The following DEGS2 variants were observed in gnomAD, a reference collection of about 807,000 sequenced individuals.
The protein encoded by DEGS2 is delta 4-desaturase, sphingolipid 2.
In DEGS2, 19 loss-of-function variants were observed where a neutral mutation model predicts 23.8. That is an observed-to-expected ratio of 0.80 (90% CI 0.56 to 1.17). The LOEUF (loss-of-function observed/expected upper bound fraction) is 1.17, where lower values mean the gene tolerates loss of function less well. Among genes scored for constraint, DEGS2 ranks in the 50% most tolerant of loss-of-function variants. The pLI is 0.00. For missense variants in DEGS2, 390 were observed against 459.5 expected, an observed-to-expected ratio of 0.85 and a Z score of 1.38; for synonymous variants, 218 against 213.7, an observed-to-expected ratio of 1.02 and a Z score of -0.18.
the DEGS2 span, among the ~76,000 whole-genome samples, chr14:100,166,871 C>T: frequency 6.6e-5 from 10 of 152,210 alleles, no homozygotes; most frequent in African/African-American, 2.4e-4. Flanking sequence ...CGCCTGTAAT[C>T]CCAGCACTTT....
At chr14:100,151,564 A>T (rs1036735250) in intron 1 of DEGS2, among the ~76,000 whole-genome samples, 29 of 152,232 alleles carry the variant, frequency 1.9e-4, no homozygotes, top group Non-Finnish European at 3.4e-4. Context: ...GGAGCCCGAG[A>T]CACCCACACT....
chr14:100,146,975 GAC>G (rs1476146674), intron 2 of DEGS2, 68 bp from the exon 3 acceptor site: 46 of 1,559,456 alleles, frequency 2.9e-5, no homozygotes, highest in Non-Finnish European at 2.6e-5. Flanking sequence ...CACACACGCA[GAC>G]ACCTGAGCAC....
chr14:100,152,594 C>G (rs61991313), intron 1 of DEGS2, among the ~76,000 whole-genome samples: 4,195 of 152,306 alleles, frequency 0.028, 82 homozygotes, highest in Non-Finnish European at 0.04. Flanking sequence ...CCACTTCCCT[C>G]TCTTGGAGCT....
chr14:100,160,703 G>A (rs372058066), upstream of DEGS2, among the ~76,000 whole-genome samples: 89 of 152,322 alleles, frequency 5.8e-4, no homozygotes, highest in South Asian at 0.016. Flanking sequence ...GCTTCTGTGC[G>A]TCCCATGGAA....
chr14:100,161,018 G>C (rs761032916), upstream of DEGS2, among the ~76,000 whole-genome samples: 2 of 152,214 alleles, frequency 1.3e-5, no homozygotes, highest in Non-Finnish European at 2.9e-5. Flanking sequence ...GTCCTCAGAA[G>C]TCATCCCACC....
chr14:100,155,871 AAAAC>A lies in DEGS2; in HGVS notation c.82+3631_82+3634del, dbSNP rs1372767455. Among the ~76,000 whole-genome samples the A allele has an allele frequency of 3.9e-5, 6 of 152,192 alleles. No homozygotes were observed. In the East Asian group the frequency reaches 9.6e-4, roughly 24 times the overall value. ...TACAAAGCTATTCATTTTCAAAAAA[AAAAC>A]AAACCCAGAGCTTGCCTCTTACTCC... is the stretch of plus-strand genomic sequence containing the variant. On this transcript the variant is annotated intron_variant, in intron 1 of 2. Coordinates refer to ENST00000305631, the MANE Select transcript of DEGS2 (RefSeq NM_206918.3).
upstream of DEGS2, among the ~76,000 whole-genome samples, chr14:100,161,936 G>A (rs1005089223): frequency 7.3e-6 from 1 of 137,114 alleles, no homozygotes; most frequent in Admixed American, 7.1e-5. Context: ...TGGGCGTGGT[G>A]GCAGGCACCT....
At chr14:100,159,103 G>A (rs1439122339) in intron 1 of DEGS2, among the ~76,000 whole-genome samples, 1 of 152,182 alleles carries the variant, frequency 6.6e-6, no homozygotes, top group Non-Finnish European at 1.5e-5. Context: ...CAGTGACTGC[G>A]GGTGGAGGCC....
At chr14:100,161,952 C>CCCAGGAGTCAGGAGGCT (rs113261082), upstream of DEGS2, among the ~76,000 whole-genome samples, 20,183 of 151,760 alleles carry the variant, frequency 0.13, 2,286 homozygotes, top group African/African-American at 0.31. Context: ...CACCTGTAAT[C>CCCAGGAGTCAGGAGGCT]GAGGCAGGAG....
chr14:100,159,892 C>A (rs1012806028), upstream of DEGS2: 2 of 210,944 alleles, frequency 9.5e-6, no homozygotes, highest in African/African-American at 4.6e-5. Context: ...TCCCTCGATG[C>A]GCGGGGGCGA....
chr14:100,153,052 G>T (rs1889599724), intron 1 of DEGS2, among the ~76,000 whole-genome samples: 1 of 151,888 alleles, frequency 6.6e-6, no homozygotes, highest in Non-Finnish European at 1.5e-5. Flanking sequence ...AGCCCAGGAG[G>T]TCAGGATCAG....
At chr14:100,146,986 A>G (rs911939479) in intron 2 of DEGS2, 79 bp from the exon 3 acceptor site, 2 of 1,520,724 alleles carry the variant, frequency 1.3e-6, no homozygotes, top group African/African-American at 2.8e-5. Flanking sequence ...ACACCTGAGC[A>G]CACGCGGTGG....
upstream of DEGS2, among the ~76,000 whole-genome samples, chr14:100,162,757 G>T (rs1164017284): frequency 6.6e-6 from 1 of 152,154 alleles, no homozygotes; most frequent in Non-Finnish European, 1.5e-5. Flanking sequence ...GCAGGGGTGG[G>T]GTGCTGGTTA....
chr14:100,166,684 G>C, the DEGS2 span, among the ~76,000 whole-genome samples: 1 of 152,094 alleles, frequency 6.6e-6, no homozygotes, highest in Non-Finnish European at 1.5e-5. Context: ...CTCGGAGGTC[G>C]GGTAAGACGC....
chr14:100,163,430 C>T (rs1030721057), upstream of DEGS2, among the ~76,000 whole-genome samples: 7 of 151,844 alleles, frequency 4.6e-5, no homozygotes, highest in Non-Finnish European at 7.4e-5. Context: ...AGACAAGAGC[C>T]GAACTCCATC....
chr14:100,147,776 C>T (rs994380621), intron 2 of DEGS2, among the ~76,000 whole-genome samples: 6 of 151,958 alleles, frequency 3.9e-5, no homozygotes, highest in African/African-American at 4.8e-5. Context: ...GCACCAGGCA[C>T]CCAGAGCCTC....
rs1174891970 is a variant in DEGS2, at chr14:100,159,499, C to T, written c.82+7G>A. The T allele has an allele frequency of 2.7e-6, 4 of 1,489,532 alleles. No homozygotes were observed. In the African/African-American group the frequency reaches 5.8e-5, roughly 22 times the overall value. 92.3% of individuals were successfully genotyped at this position (1,489,532 alleles called of 1,614,324 possible). ...CCCCACCGGGGTGGGCCCCGCGCGG[C>T]GCTCACCCAGTATCTCCTTGCGCCG... is the stretch of plus-strand genomic sequence containing the variant. On this transcript the variant is annotated splice_region_variant and intron_variant, in intron 1 of 2. Coordinates refer to ENST00000305631, the MANE Select transcript of DEGS2 (RefSeq NM_206918.3).
At chr14:100,157,779 T>TA (rs1189137715) in intron 1 of DEGS2, among the ~76,000 whole-genome samples, 1 of 151,746 alleles carries the variant, frequency 6.6e-6, no homozygotes, top group African/African-American at 2.4e-5. Context: ...GCCATGGGAT[T>TA]AAAAAAAGAG....
At position 100,149,522 on chromosome 14, in the gene DEGS2, T is replaced by G. The variant is rs1566741089; in HGVS notation, c.271A>C (p.Ile91Leu). Residue 91 changes from isoleucine (I) to leucine (L), a missense_variant, in exon 2 of 3, where the codon ATC becomes CTC. Physicochemically the swap from Ile to Leu is conservative, Grantham distance 5. Transcript: ENST00000305631. ...GTGCCGAAGGCCGCGTTGTGCGAGA[T>G]GTCGTGGATGGCCAGCGTCAGCGAG... ...NHSLTLAIHDISHNAAFGTGR... is the reference protein window; with the variant it reads ...NHSLTLAIHDLSHNAAFGTGR... 1 of 1,603,470 alleles carries G rather than the reference T, an allele frequency of 6.2e-7. No individual in the cohort carries two copies. Among genetic ancestry groups the G allele is most frequent in the Non-Finnish European group, 8.5e-7 (1 of 1,176,576 alleles).
Sources: allele counts gnomAD v4.1 joint callset (sites outside exome capture counted in the v4.1 genomes callset), GRCh38; gene constraint gnomAD v4.1.1; transcripts MANE v1.5; gene names NCBI Gene and HGNC (gene_info 2026-07-23, HGNC 2026-07-21).